The following CDH18 variants were observed in gnomAD, a reference collection of about 807,000 sequenced individuals.
The protein encoded by CDH18 is cadherin-18.
In CDH18, 31 loss-of-function variants were observed where a neutral mutation model predicts 67.9. That is an observed-to-expected ratio of 0.46 (90% confidence interval 0.34 to 0.62). The LOEUF (loss-of-function observed/expected upper bound fraction) is 0.62. Ranked by LOEUF, CDH18 falls within the 20% of genes least tolerant of loss-of-function variation. CDH18 has a pLI of 0.01. For synonymous variants in CDH18, 362 were observed against 347.2 expected, an observed-to-expected ratio of 1.04 and a Z score of -0.48; for missense variants, 890 against 975.5, an observed-to-expected ratio of 0.91 and a Z score of 1.17.
chr5:19,880,871 T>G (rs1193456909), intron 2 of CDH18, among the ~76,000 whole-genome samples: 1 of 152,198 alleles, frequency 6.6e-6, no homozygotes. Context: ...AAGGAATGTT[T>G]CCCATTTAGT....
intron 2 of CDH18, among the ~76,000 whole-genome samples, chr5:19,854,346 C>T (rs1284233171): frequency 6.6e-6 from 1 of 152,088 alleles, no homozygotes; most frequent in African/African-American, 2.4e-5. Flanking sequence ...TGAGGGAAAT[C>T]TGTCTATTTC....
At chr5:19,723,870 C>T (rs1352213673) in intron 4 of CDH18, among the ~76,000 whole-genome samples, 1 of 151,966 alleles carries the variant, frequency 6.6e-6, no homozygotes, top group Non-Finnish European at 1.5e-5. Flanking sequence ...CCTGCCACCA[C>T]ACCCAGCTAA....
chr5:20,130,139 AG>A (rs1216960099), intron 2 of CDH18, among the ~76,000 whole-genome samples: 1 of 151,070 alleles, frequency 6.6e-6, no homozygotes, highest in Non-Finnish European at 1.5e-5. Context: ...AGGGGAAATC[AG>A]AGGCTTCTCT....
At chr5:20,347,903 C>G (rs552280871) in intron 1 of CDH18, among the ~76,000 whole-genome samples, 1 of 152,256 alleles carries the variant, frequency 6.6e-6, no homozygotes, top group Admixed American at 6.5e-5. Context: ...TTTCTGGAAA[C>G]TTGCTTTCCA....
chr5:19,822,489 T>A (rs1411212681), intron 3 of CDH18, among the ~76,000 whole-genome samples: 3 of 152,078 alleles, frequency 2.0e-5, no homozygotes, highest in Non-Finnish European at 4.4e-5. Flanking sequence ...TGTCAGCCAG[T>A]TTGAGAAATA....
intron 4 of CDH18, among the ~76,000 whole-genome samples, chr5:19,742,460 T>A (rs1024328656): frequency 2.0e-5 from 3 of 151,966 alleles, no homozygotes; most frequent in Non-Finnish European, 4.4e-5. Flanking sequence ...TATTTTTTTT[T>A]AATCATTTTA....
At chr5:20,000,532 G>A (rs1001184755) in intron 2 of CDH18, among the ~76,000 whole-genome samples, 1 of 152,144 alleles carries the variant, frequency 6.6e-6, no homozygotes, top group Non-Finnish European at 1.5e-5. Flanking sequence ...AATAGTTTTG[G>A]TTTGAAATAT....
chr5:20,251,945 A>G (rs1013936350), intron 2 of CDH18, among the ~76,000 whole-genome samples: 4 of 152,212 alleles, frequency 2.6e-5, no homozygotes, highest in South Asian at 2.1e-4. Flanking sequence ...TTAGGAAACT[A>G]TATAGAATAT....
At chr5:19,829,714 T>C (rs1780809457) in intron 3 of CDH18, among the ~76,000 whole-genome samples, 1 of 152,154 alleles carries the variant, frequency 6.6e-6, no homozygotes, top group African/African-American at 2.4e-5. Context: ...AAAAACTATC[T>C]GAAAATTCAT....
chr5:20,525,717 G>T (rs920202404), intron 1 of CDH18, among the ~76,000 whole-genome samples: 2 of 151,950 alleles, frequency 1.3e-5, no homozygotes, highest in Admixed American at 6.6e-5. Flanking sequence ...AACTAGATTA[G>T]CAAAAGGTAA....
intron 2 of CDH18, among the ~76,000 whole-genome samples, chr5:20,084,615 C>G (rs1744789099): frequency 6.6e-6 from 1 of 152,166 alleles, no homozygotes. Flanking sequence ...GAGCCCTGTC[C>G]CTGTAGCAAA....
chr5:20,358,938 T>C (rs997074680), intron 1 of CDH18, among the ~76,000 whole-genome samples: 1 of 149,950 alleles, frequency 6.7e-6, no homozygotes, highest in African/African-American at 2.5e-5. Flanking sequence ...CTTTCTTTTT[T>C]TTTTTTTTTT....
intron 1 of CDH18, among the ~76,000 whole-genome samples, chr5:20,411,537 C>T (rs1198154836): frequency 6.6e-6 from 1 of 151,754 alleles, no homozygotes; most frequent in East Asian, 1.9e-4. Context: ...CTGTTGGCAA[C>T]GAATCCATGG....
chr5:20,350,776 A>G (rs1741103738), intron 1 of CDH18, among the ~76,000 whole-genome samples: 1 of 152,142 alleles, frequency 6.6e-6, no homozygotes, highest in African/African-American at 2.4e-5. Context: ...GAATTTGGAG[A>G]ATAAAAGAGG....
At chr5:20,279,992 T>G (rs1469781908) in intron 1 of CDH18, among the ~76,000 whole-genome samples, 1 of 151,882 alleles carries the variant, frequency 6.6e-6, no homozygotes. Context: ...CTTAAAAAAT[T>G]CAAAAACATT....
intron 1 of CDH18, among the ~76,000 whole-genome samples, chr5:20,472,625 T>C (rs1752169512): frequency 1.3e-5 from 2 of 152,216 alleles, no homozygotes; most frequent in South Asian, 2.1e-4. Flanking sequence ...CCAATGATTA[T>C]GTTTGGCAGT....
In CDH18 at chr5:19,746,796, G is replaced by A. The variant is rs113933871; in HGVS notation, c.523+146C>T. On this transcript the variant is annotated intron_variant, in intron 4 of 12. Transcript: ENST00000382275. The stretch of plus-strand genomic sequence containing the variant: ...GACCCAATAGTCTTTAACACTTTAT[G>A]CCACAAAAAATACTAAAATATTTTG... 1,086 of 665,222 alleles carry A rather than the reference G, an allele frequency of 1.6e-3. 10 individuals are homozygous for A. In the African/African-American group the frequency reaches 0.018, roughly 11 times the overall value. The allele number at this position is 665,222 out of a possible 1,614,324, so 41.2% of individuals were successfully genotyped here.
At chr5:19,480,434 T>G (rs1327358792) in intron 12 of CDH18, among the ~76,000 whole-genome samples, 1 of 151,744 alleles carries the variant, frequency 6.6e-6, no homozygotes, top group Non-Finnish European at 1.5e-5. Flanking sequence ...TGGAGTGCAG[T>G]GGCGCCATCT....
chr5:20,389,151 G>A (rs1328652903), intron 1 of CDH18, among the ~76,000 whole-genome samples: 1 of 152,058 alleles, frequency 6.6e-6, no homozygotes, highest in South Asian at 2.1e-4. Context: ...TGACAGTGGG[G>A]TGTTAAAGTC....
Sources: gnomAD v4.1 joint callset for allele counts (sites outside exome capture counted in the v4.1 genomes callset) on GRCh38, gnomAD v4.1.1 for gene constraint, MANE v1.5 for transcripts, NCBI Gene and HGNC (gene_info 2026-07-23, HGNC 2026-07-21) for gene names.